Variants in SHLD1 observed in about 807,000 individuals in gnomAD.
SHLD1 encodes shieldin complex subunit 1.
Under a neutral mutation model 5.5 loss-of-function variants are expected in SHLD1, and 3 were observed. The observed-to-expected ratio is 0.54, with a 90% CI of 0.25 to 1.40. The LOEUF (loss-of-function observed/expected upper bound fraction) is 1.40, where lower values mean the gene tolerates loss of function less well. Ranked by LOEUF, SHLD1 falls within the 40% of genes most tolerant of loss-of-function variation. SHLD1 has a pLI of 0.15. For synonymous variants in SHLD1, 92 were observed against 94.3 expected (o/e 0.98, Z 0.14); for missense variants, 210 against 244.4 (o/e 0.86, Z 0.94).
chr20:5,863,515 G>C lies in SHLD1; in HGVS notation c.*52G>C, dbSNP rs1208219887. 1.3e-6 allele frequency: 2 copies of C among 1,526,212 alleles called. No individual in the cohort carries two copies. Among genetic ancestry groups the C allele is most frequent in the African/African-American group, 2.8e-5 (2 of 72,446 alleles). The allele number at this position is 1,526,212 out of a possible 1,614,324, so 94.5% of individuals were successfully genotyped here. Reference sequence around the variant, plus strand: ...TAATGGAGGTGCTGTGCCATGACCAGCAGTGTTGGTGGCCACCCAGATCCC... The same window carrying C: ...TAATGGAGGTGCTGTGCCATGACCACCAGTGTTGGTGGCCACCCAGATCCC... On this transcript the variant is annotated 3_prime_UTR_variant, in exon 3 of 3. Transcript: ENST00000303142.
At chr20:5,752,622 T>TG (rs1292745700) in intron 1 of SHLD1, among the ~76,000 whole-genome samples, 2 of 150,686 alleles carry the variant, frequency 1.3e-5, no homozygotes, top group Non-Finnish European at 3.0e-5. Flanking sequence ...GGGGTTTTTT[T>TG]TTTTTTTTTT....
In SHLD1 at chr20:5,855,528, C is replaced by A. The variant is rs974380384; in HGVS notation, c.179-7496C>A. 7.2e-5 allele frequency among the ~76,000 whole-genome samples: 11 copies of A among 152,130 alleles called. No individual in the cohort carries two copies. The South Asian group carries it at 1.9e-3, about 26-fold the overall frequency. On this transcript the variant is annotated intron_variant, in intron 2 of 2. Coordinates refer to ENST00000303142, the MANE Select transcript of SHLD1 (RefSeq NM_152504.4). This position sits in a 1 kb window ranked among gnomAD's most constrained non-coding sequence, Gnocchi z 4.4. ...CTGGGACTACAGGTGCATGTCACCACGCCTGGCTAATTTTTGTATTTTTAG... is the reference window on the plus strand; with the variant it reads ...CTGGGACTACAGGTGCATGTCACCAAGCCTGGCTAATTTTTGTATTTTTAG...
intron 2 of SHLD1, among the ~76,000 whole-genome samples, chr20:5,808,434 G>A (rs1395502890): frequency 6.6e-6 from 1 of 152,066 alleles, no homozygotes; most frequent in Non-Finnish European, 1.5e-5. Flanking sequence ...CACACAAACA[G>A]CACGTATATC....
intron 2 of SHLD1, among the ~76,000 whole-genome samples, chr20:5,789,962 G>A (rs1439082537): frequency 2.0e-5 from 3 of 152,192 alleles, no homozygotes; most frequent in African/African-American, 4.8e-5. Flanking sequence ...GAGATTAATA[G>A]GAGGCCACTA....
chr20:5,864,226 A>G lies in SHLD1; in HGVS notation c.*763A>G, dbSNP rs953849008. The stretch of plus-strand genomic sequence containing the variant: ...TCTAAAATAACAGCGAAAATTCACA[A>G]TTCTTTTTAAAATCTCTTGTCTTTT... On this transcript the variant is annotated 3_prime_UTR_variant, in exon 3 of 3. Transcript: ENST00000303142. Among the ~76,000 whole-genome samples the G allele has an allele frequency of 6.6e-6, 1 of 152,222 alleles. No individual in the cohort carries two copies. The highest frequency in any genetic ancestry group is 2.1e-4 in the South Asian group (1 of 4,832).
At chr20:5,794,412 G>A (rs13037425) in intron 2 of SHLD1, among the ~76,000 whole-genome samples, 42,386 of 152,084 alleles carry the variant, frequency 0.28, 5,933 homozygotes, top group Middle Eastern at 0.34. Flanking sequence ...TGCTCAGTAC[G>A]AGGCAAAAAA....
intron 2 of SHLD1, among the ~76,000 whole-genome samples, chr20:5,836,661 C>G (rs1044129877): frequency 7.2e-5 from 11 of 152,206 alleles, no homozygotes; most frequent in Admixed American, 3.3e-4. Flanking sequence ...ACCTTCCTGT[C>G]TAAAACACCA....
In SHLD1 at chr20:5,761,898, G is replaced by A. The variant is rs534859126; in HGVS notation, c.-4-10964G>A. Among the ~76,000 whole-genome samples the A allele has an allele frequency of 9.0e-4, 137 of 152,030 alleles. 1 individual carries two copies. Among genetic ancestry groups the A allele is most frequent in the African/African-American group, 3.2e-3 (131 of 41,508 alleles). On this transcript the variant is annotated intron_variant, in intron 1 of 2. Coordinates refer to ENST00000303142, the MANE Select transcript of SHLD1 (RefSeq NM_152504.4). ...GCTGAGATTACAGGCATGAGCCACT[G>A]CACCCGGCCTCATGTATTAATTTCA...
Position 5,808,407 on chromosome 20 carries a change from CAT to C in SHLD1, c.178+35365_178+35366del, listed in dbSNP as rs143150937. Among the ~76,000 whole-genome samples, 136 of 152,294 alleles carry C rather than the reference CAT, an allele frequency of 8.9e-4. 1 individual carries two copies. The East Asian group carries it at 0.019, about 22-fold the overall frequency. On this transcript the variant is annotated intron_variant, in intron 2 of 2. Coordinates refer to ENST00000303142, the MANE Select transcript of SHLD1 (RefSeq NM_152504.4). ...ATAGATAGACATACATACATATGTA[CAT>C]GTGTATATTGTACACACACAAACAG... is the stretch of plus-strand genomic sequence containing the variant.
chr20:5,852,415 CCCTT>C (rs71334360), intron 2 of SHLD1, among the ~76,000 whole-genome samples: 4,894 of 150,086 alleles, frequency 0.033, 103 homozygotes, highest in Middle Eastern at 0.075. Flanking sequence ...TCCTTTCCCT[CCCTT>C]CCTTCCTTCC....
intron 1 of SHLD1, 63 bp downstream of exon 1, chr20:5,750,542 C>T (rs1189527231): frequency 6.7e-6 from 1 of 149,150 alleles, no homozygotes; most frequent in East Asian, 2.0e-4. Context: ...AGCAATGCAT[C>T]TGATCGTTCT....
chr20:5,783,078 T>C (rs184792968), intron 2 of SHLD1, among the ~76,000 whole-genome samples: 72 of 152,354 alleles, frequency 4.7e-4, no homozygotes, highest in African/African-American at 1.7e-3. Flanking sequence ...ACAATGGTTA[T>C]TGAACCAATT....
intron 2 of SHLD1, among the ~76,000 whole-genome samples, chr20:5,811,184 A>G (rs2087454142): frequency 6.6e-6 from 1 of 152,148 alleles, no homozygotes; most frequent in Non-Finnish European, 1.5e-5. Flanking sequence ...TACGTACCAG[A>G]AGCCACAGCT....
intron 2 of SHLD1, among the ~76,000 whole-genome samples, chr20:5,850,184 C>T (rs1043876278): frequency 2.7e-5 from 4 of 150,418 alleles, no homozygotes; most frequent in African/African-American, 9.7e-5. Flanking sequence ...CCAGGACTGT[C>T]CTGGGCAAAC....
intron 2 of SHLD1, among the ~76,000 whole-genome samples, chr20:5,818,970 C>A (rs539052873): frequency 4.6e-5 from 7 of 152,178 alleles, no homozygotes; most frequent in African/African-American, 7.2e-5. Context: ...TCAAGCAATT[C>A]TTGGGCCTCA....
At chr20:5,813,779 A>G (rs190348672) in intron 2 of SHLD1, among the ~76,000 whole-genome samples, 1 of 152,268 alleles carries the variant, frequency 6.6e-6, no homozygotes, top group East Asian at 1.9e-4. Context: ...TCTGTGGAAG[A>G]GGAGAAAATG....
chr20:5,761,405 C>G (rs1478909073), intron 1 of SHLD1, among the ~76,000 whole-genome samples: 1 of 150,578 alleles, frequency 6.6e-6, no homozygotes, highest in Admixed American at 6.6e-5. Flanking sequence ...ACATGTATCC[C>G]AGGACTTAAA....
chr20:5,853,233 G>A (rs1380376812), intron 2 of SHLD1, among the ~76,000 whole-genome samples: 1 of 152,124 alleles, frequency 6.6e-6, no homozygotes, highest in African/African-American at 2.4e-5. Context: ...CTCACTTGAG[G>A]TCAGGAGTTC....
intron 1 of SHLD1, among the ~76,000 whole-genome samples, chr20:5,752,861 C>T (rs1983841988): frequency 6.6e-6 from 1 of 152,102 alleles, no homozygotes; most frequent in Non-Finnish European, 1.5e-5. Context: ...GTGGCGCAGT[C>T]TCAGCTCACT....
Sources: gnomAD v4.1 joint callset for allele counts (sites outside exome capture counted in the v4.1 genomes callset) on GRCh38, gnomAD v4.1.1 for gene constraint, Gnocchi (gnomAD v3.1) non-coding constraint, MANE v1.5 for transcripts, NCBI Gene and HGNC (gene_info 2026-07-23, HGNC 2026-07-21) for gene names.